VPS13B: variants seen among roughly 807,000 people sequenced by gnomAD.
VPS13B encodes the protein intermembrane lipid transfer protein VPS13B.
A neutral mutation model predicts 426.4 loss-of-function variants in VPS13B; 285 were observed. That is an observed-to-expected ratio of 0.67 (90% CI 0.61 to 0.74). The LOEUF (loss-of-function observed/expected upper bound fraction) is 0.74, where lower values mean the gene tolerates loss of function less well. Ranked by LOEUF, VPS13B falls within the 30% of genes least tolerant of loss-of-function variation. VPS13B has a pLI of 0.00. For synonymous variants in VPS13B, 1,676 were observed against 1,676.4 expected (o/e 1.00, Z 0.01); for missense variants, 4,537 against 4,782.6 (o/e 0.95, Z 1.51).
chr8:99,699,609 AGAT>A lies in VPS13B; in HGVS notation c.6132_6134del (p.Ile2045del). On this transcript the variant is annotated inframe_deletion, in exon 36 of 62. Coordinates refer to ENST00000357162, the MANE Select transcript of VPS13B (RefSeq NM_152564.5). ...GATCAGATAAACCTTTTTTTAAAGA[AGAT>A]AAAAAATGCACACAGTTTGGCACAT... The A allele has an allele frequency of 6.2e-7, 1 of 1,614,112 alleles. No individual in the cohort carries two copies. Among genetic ancestry groups the A allele is most frequent in the Non-Finnish European group, 8.5e-7 (1 of 1,180,002 alleles).
At chr8:99,851,432 G>A (rs1175526181) in intron 55 of VPS13B, among the ~76,000 whole-genome samples, 1 of 152,192 alleles carries the variant, frequency 6.6e-6, no homozygotes, top group Non-Finnish European at 1.5e-5. Context: ...TGGTGCAGTA[G>A]AAGGTCAGCA....
At chr8:99,491,837 T>C (rs1314887457) in intron 25 of VPS13B, among the ~76,000 whole-genome samples, 1 of 152,166 alleles carries the variant, frequency 6.6e-6, no homozygotes, top group African/African-American at 2.4e-5. Flanking sequence ...AAGTTTGTTA[T>C]TACCGACCTT....
At chr8:99,201,333 A>G (rs1291576062) in intron 17 of VPS13B, among the ~76,000 whole-genome samples, 5 of 152,010 alleles carry the variant, frequency 3.3e-5, no homozygotes, top group Non-Finnish European at 5.9e-5. Context: ...TTTGAAATCA[A>G]CTTCATTGAT....
chr8:99,865,052 G>A (rs1170556520), intron 58 of VPS13B, among the ~76,000 whole-genome samples: 2 of 152,216 alleles, frequency 1.3e-5, no homozygotes, highest in African/African-American at 4.8e-5. Context: ...TCCATGCCCA[G>A]CCGCACTGCC....
intron 31 of VPS13B, among the ~76,000 whole-genome samples, chr8:99,563,375 A>G (rs1348446928): frequency 6.6e-6 from 1 of 152,244 alleles, no homozygotes; most frequent in Non-Finnish European, 1.5e-5. Flanking sequence ...CAAATACAGC[A>G]TAGTTAGGCT....
In VPS13B at chr8:99,778,868, T is replaced by C. The variant is rs1290655527; in HGVS notation, c.7616T>C (p.Met2539Thr). 1.2e-6 allele frequency: 2 copies of C among 1,614,066 alleles called. No individual in the cohort carries two copies. Among genetic ancestry groups the C allele is most frequent in the South Asian group, 1.1e-5 (1 of 91,084 alleles). Residue 2539 changes from methionine to threonine, a missense_variant, in exon 42 of 62, where the codon ATG becomes ACG. Met to Thr is a moderately conservative substitution (Grantham distance 81). This residue lies in a region of VPS13B where 4,311 missense variants were observed against 4,474.3 expected (regional missense o/e 0.96). Coordinates refer to ENST00000357162, the MANE Select transcript of VPS13B (RefSeq NM_152564.5). ...CTTCTAGAGTGCAGAAATGTCACTA[T>C]GCAAAGTGTGGTGAAACCCTTCAGC... ...CKLLECRNVTMQSVVKPFSIF... is the reference protein window; with the variant it reads ...CKLLECRNVTTQSVVKPFSIF...
intron 3 of VPS13B, among the ~76,000 whole-genome samples, chr8:99,075,303 T>A (rs1350463975): frequency 6.6e-6 from 1 of 152,202 alleles, no homozygotes; most frequent in Non-Finnish European, 1.5e-5. Flanking sequence ...TGGGGAGGTC[T>A]CAGGGAGCTT....
At chr8:99,300,994 G>A (rs957028789) in intron 19 of VPS13B, among the ~76,000 whole-genome samples, 1 of 150,182 alleles carries the variant, frequency 6.7e-6, no homozygotes, top group African/African-American at 2.5e-5. Flanking sequence ...TGGGTGGCTC[G>A]CTTGAGCCCC....
At chr8:99,356,402 C>T (rs1812184731) in intron 19 of VPS13B, among the ~76,000 whole-genome samples, 2 of 152,172 alleles carry the variant, frequency 1.3e-5, no homozygotes, top group Non-Finnish European at 2.9e-5. Context: ...AACGTTAGCA[C>T]TTTGGGAGGC....
intron 17 of VPS13B, among the ~76,000 whole-genome samples, chr8:99,206,554 T>C (rs1015413361): frequency 6.6e-6 from 1 of 152,194 alleles, no homozygotes; most frequent in African/African-American, 2.4e-5. Context: ...AAGCAACCTT[T>C]ACTTACATAA....
chr8:99,410,968 G>A (rs1012232958), intron 21 of VPS13B, among the ~76,000 whole-genome samples: 18 of 152,286 alleles, frequency 1.2e-4, no homozygotes, highest in African/African-American at 3.9e-4. Flanking sequence ...TATCATTGAT[G>A]GGCGTTTGGG....
At chr8:99,836,864 C>CTA (rs1815421291) in intron 54 of VPS13B, among the ~76,000 whole-genome samples, 1 of 152,194 alleles carries the variant, frequency 6.6e-6, no homozygotes, top group African/African-American at 2.4e-5. Flanking sequence ...AAGTTAGTGA[C>CTA]TATCATCTCC....
intron 4 of VPS13B, among the ~76,000 whole-genome samples, chr8:99,099,954 C>T (rs1469752033): frequency 6.6e-6 from 1 of 152,106 alleles, no homozygotes; most frequent in Admixed American, 6.5e-5. Flanking sequence ...CTTAGTGTGA[C>T]TTTCTATTTT....
chr8:99,053,955 C>A (rs185642968), intron 3 of VPS13B, among the ~76,000 whole-genome samples: 1 of 152,218 alleles, frequency 6.6e-6, no homozygotes, highest in Non-Finnish European at 1.5e-5. Flanking sequence ...CCTCCTGCCT[C>A]GGCCTCCCAA....
chr8:99,805,974 C>T (rs1813376490), intron 43 of VPS13B, among the ~76,000 whole-genome samples: 2 of 152,122 alleles, frequency 1.3e-5, no homozygotes, highest in Admixed American at 1.3e-4. Context: ...CACAAAAATG[C>T]CCTGGGCTTC....
intron 19 of VPS13B, among the ~76,000 whole-genome samples, chr8:99,359,212 G>T (rs1165359836): frequency 2.0e-5 from 3 of 152,044 alleles, no homozygotes; most frequent in Non-Finnish European, 4.4e-5. Context: ...TTTTTTAACA[G>T]AATTTTATAG....
Position 99,720,354 on chromosome 8 carries a change from G to A in VPS13B, c.6667G>A (p.Gly2223Ser). 1 of 1,612,332 alleles carries A rather than the reference G, an allele frequency of 6.2e-7. No homozygotes were observed. Among genetic ancestry groups the A allele is most frequent in the Non-Finnish European group, 8.5e-7 (1 of 1,179,710 alleles). The change falls in exon 38 of 62, where the codon GGT (glycine) becomes AGT (serine). Residue 2223 changes from glycine (G) to serine (S), a missense_variant. By Grantham distance (56) the Gly-to-Ser change is moderately conservative. This residue lies in a region of VPS13B where 4,311 missense variants were observed against 4,474.3 expected (regional missense o/e 0.96). Transcript: ENST00000357162. The stretch of plus-strand genomic sequence containing the variant: ...TTTTATGATTTTAAAGGTCTTCTGG[G>A]GTCAAGAACATTTGAATTGTTTAGT... ...LRGGLLQVFW[G>S]QEHLNCLVLL...
At chr8:99,860,600 G>T (rs1816786875) in intron 57 of VPS13B, among the ~76,000 whole-genome samples, 1 of 152,154 alleles carries the variant, frequency 6.6e-6, no homozygotes, top group Non-Finnish European at 1.5e-5. Context: ...ATCCCTATGT[G>T]TGTGCGCACA....
chr8:99,209,128 A>G lies in VPS13B; in HGVS notation c.2515+16071A>G, dbSNP rs572643146. The stretch of plus-strand genomic sequence containing the variant: ...ACCCCATCTCTACTAAAAATACAAA[A>G]ATTAGCTGAGTGTGGTGACATGTGC... On this transcript the variant is annotated intron_variant, in intron 17 of 61. Transcript: ENST00000357162. Among the ~76,000 whole-genome samples, 21 of 152,124 alleles carry G rather than the reference A, an allele frequency of 1.4e-4. 2 individuals carry two copies. The highest frequency in any genetic ancestry group is 5.1e-4 in the African/African-American group (21 of 41,496).
Sources: allele counts gnomAD v4.1 joint callset (sites outside exome capture counted in the v4.1 genomes callset), GRCh38; gene constraint gnomAD v4.1.1; regional missense constraint gnomAD v4.1.1; transcripts MANE v1.5; gene names NCBI Gene and HGNC (gene_info 2026-07-23, HGNC 2026-07-21).